Variants in KDM2B observed in about 807,000 individuals in gnomAD.
KDM2B encodes lysine demethylase 2B.
KDM2B carries 26 observed loss-of-function variants against 150.0 expected under a neutral mutation model. The ratio of observed to expected loss-of-function variants is 0.17; its 90% CI spans 0.13 to 0.24. KDM2B has a LOEUF of 0.24. Among genes scored for constraint, KDM2B ranks in the 10% least tolerant of loss-of-function variants. KDM2B has a pLI of 1.00. For missense variants in KDM2B, 1,265 were observed against 1,816.9 expected, an observed-to-expected ratio of 0.70 and a Z score of 5.52; for synonymous variants, 734 against 729.5, an observed-to-expected ratio of 1.01 and a Z score of -0.10.
intron 22 of KDM2B, among the ~76,000 whole-genome samples, chr12:121,431,557 G>C (rs782764383): frequency 8.5e-5 from 13 of 152,130 alleles, no homozygotes; most frequent in Non-Finnish European, 1.5e-4. Context: ...CCGCAATCAT[G>C]CATACAACAT....
chr12:121,539,664 T>G (rs1334888047), intron 6 of KDM2B, among the ~76,000 whole-genome samples: 2 of 145,568 alleles, frequency 1.4e-5, no homozygotes, highest in Non-Finnish European at 3.0e-5. Context: ...TGGCCAGCAG[T>G]TTTTTTTTTT....
At chr12:121,473,799 T>G (rs10849891) in intron 12 of KDM2B, among the ~76,000 whole-genome samples, 48,037 of 151,516 alleles carry the variant, frequency 0.32, 9,149 homozygotes, top group East Asian at 0.43. Context: ...CATAGCAGTT[T>G]TATTCACAAT....
the KDM2B span, among the ~76,000 whole-genome samples, chr12:121,421,371 T>TTAA: frequency 2.2e-5 from 1 of 46,378 alleles, no homozygotes; most frequent in Non-Finnish European, 4.4e-5. Context: ...ATCCCATCTC[T>TTAA]AAAAAAAAAA....
Position 121,550,309 on chromosome 12 carries a change from C to CAA in KDM2B, c.398-673_398-672dup, listed in dbSNP as rs782618970. 1.3e-3 allele frequency among the ~76,000 whole-genome samples: 139 copies of CAA among 107,090 alleles called. No homozygotes were observed. In the East Asian group the frequency reaches 0.016, roughly 12 times the overall value. The allele number at this position is 107,090 out of a possible 152,430, so 70.3% of individuals were successfully genotyped here. On this transcript the variant is annotated intron_variant, in intron 4 of 22. Transcript: ENST00000377071. The stretch of plus-strand genomic sequence containing the variant: ...TGGGCAACAGAGCAAGACTTTGTCT[C>CAA]AAAAAAAAAAAAAAGAAAGAAAGAA...
chr12:121,449,847 C>T lies in KDM2B; in HGVS notation c.1959+3273G>A, dbSNP rs782192573. 3.3e-5 allele frequency among the ~76,000 whole-genome samples: 5 copies of T among 152,104 alleles called. 1 individual carries two copies. The highest frequency in any genetic ancestry group is 1.3e-4 in the Admixed American group (2 of 15,260). ...AAATCCATGGAAATGTCCTGGGGTT[C>T]GGGTACCAATTAAAAGCACAAGCAG... On this transcript the variant is annotated intron_variant, in intron 13 of 22. Transcript: ENST00000377071.
chr12:121,512,055 C>T (rs557812109), intron 10 of KDM2B, among the ~76,000 whole-genome samples: 2 of 152,330 alleles, frequency 1.3e-5, no homozygotes, highest in African/African-American at 4.8e-5. Flanking sequence ...AAAGAACCAA[C>T]CCTCGGCCTT....
At chr12:121,471,506 G>A (rs911084750) in intron 12 of KDM2B, among the ~76,000 whole-genome samples, 28 of 152,136 alleles carry the variant, frequency 1.8e-4, no homozygotes, top group South Asian at 4.1e-4. Context: ...AGACTCAGCC[G>A]TGTCAGGCAA....
At chr12:121,469,229 A>C (rs1880469673) in intron 12 of KDM2B, 1 of 151,554 alleles carries the variant, frequency 6.6e-6, no homozygotes, top group Non-Finnish European at 1.5e-5. Flanking sequence ...AATCTTCTCA[A>C]AGTTGCAACA....
At chr12:121,545,109 C>G (rs1445970506) in intron 6 of KDM2B, among the ~76,000 whole-genome samples, 9 of 152,248 alleles carry the variant, frequency 5.9e-5, no homozygotes, top group African/African-American at 2.2e-4. Flanking sequence ...GAAACAATGT[C>G]ATCTTAATTA....
At chr12:121,517,432 G>T (rs1295828099) in intron 9 of KDM2B, among the ~76,000 whole-genome samples, 2 of 151,538 alleles carry the variant, frequency 1.3e-5, no homozygotes, top group East Asian at 1.9e-4. Context: ...TTAGATAGGG[G>T]TCCCCACCTT....
At chr12:121,438,159 C>T (rs547336956) in intron 22 of KDM2B, among the ~76,000 whole-genome samples, 2 of 150,322 alleles carry the variant, frequency 1.3e-5, no homozygotes, top group South Asian at 4.2e-4. Flanking sequence ...GAGACTGAGG[C>T]AGAAGAATCA....
the KDM2B span, chr12:121,416,176 G>C: frequency 6.2e-7 from 1 of 1,614,104 alleles, no homozygotes. Context: ...CCACGTCTAT[G>C]TGGGCTTCGT....
Position 121,442,355 on chromosome 12 carries a change from G to C in KDM2B, c.3086C>G (p.Ser1029Cys). 6.3e-7 allele frequency: 1 copy of C among 1,582,346 alleles called. No homozygotes were observed. Among genetic ancestry groups the C allele is most frequent in the Non-Finnish European group, 8.6e-7 (1 of 1,159,702 alleles). ...PPRVISRPPP[S>C]VSPPKCIQME... Reference sequence around the variant, plus strand: ...CTGGATACACTTGGGCGGGGACACGGAGGGTGGGGGCCGGGAGATGACACG... The same window carrying C: ...CTGGATACACTTGGGCGGGGACACGCAGGGTGGGGGCCGGGAGATGACACG... The change falls in exon 19 of 23, where the codon TCC becomes TGC. Residue 1029 changes from serine to cysteine, a missense_variant. This residue lies in a region of KDM2B where 418 missense variants were observed against 402.4 expected (regional missense o/e 1.04). Coordinates refer to ENST00000377071, the MANE Select transcript of KDM2B (RefSeq NM_032590.5). The surrounding 1 kb of genome is among the most constrained non-coding windows in gnomAD (Gnocchi z 7.7).
In KDM2B at chr12:121,509,720, G is replaced by A. The variant is rs782499372; in HGVS notation, c.1494C>T (p.Pro498=). ...VDYPKTPTGS[P]ATEVSAKWTH... ...TCCATTTGGCAGAGACCTCCGTGGCGGGAGAGCCGGTGGGGGTCTTGGGGT... is the reference window on the plus strand; with the variant it reads ...TCCATTTGGCAGAGACCTCCGTGGCAGGAGAGCCGGTGGGGGTCTTGGGGT... The change falls in exon 11 of 23, where the codon CCC becomes CCT. Residue 498 remains proline (P), a synonymous_variant. Transcript: ENST00000377071. 22 of 1,614,006 alleles carry A rather than the reference G, an allele frequency of 1.4e-5. No individual in the cohort carries two copies. Among genetic ancestry groups the A allele is most frequent in the Middle Eastern group, 1.6e-4 (1 of 6,084 alleles).
chr12:121,414,844 A>G, the KDM2B span, among the ~76,000 whole-genome samples: 2 of 152,234 alleles, frequency 1.3e-5, no homozygotes, highest in African/African-American at 4.8e-5. Context: ...CTGTAATCCC[A>G]GCACTTCGGG....
chr12:121,554,410 T>C (rs185815176), intron 4 of KDM2B, among the ~76,000 whole-genome samples: 2 of 151,506 alleles, frequency 1.3e-5, no homozygotes, highest in Admixed American at 1.3e-4. Context: ...TAACATACTT[T>C]TTTTTTTTTT....
chr12:121,476,584 AC>A (rs1364710026), intron 12 of KDM2B, among the ~76,000 whole-genome samples: 1 of 151,950 alleles, frequency 6.6e-6, no homozygotes, highest in African/African-American at 2.4e-5. Flanking sequence ...TAGGCCCTAA[AC>A]CCCGGGATGT....
chr12:121,509,290 A>G (rs1885373035), intron 11 of KDM2B, among the ~76,000 whole-genome samples: 1 of 151,064 alleles, frequency 6.6e-6, no homozygotes, highest in African/African-American at 2.4e-5. Flanking sequence ...TCTTGAACTC[A>G]TGACTTCAAG....
At chr12:121,551,767 G>A (rs1889520180) in intron 4 of KDM2B, among the ~76,000 whole-genome samples, 3 of 151,948 alleles carry the variant, frequency 2.0e-5, no homozygotes, top group Admixed American at 1.3e-4. Context: ...TGGCCAGGCT[G>A]GTCTTGAACT....
Sources: gnomAD v4.1 joint callset for allele counts (sites outside exome capture counted in the v4.1 genomes callset) on GRCh38, gnomAD v4.1.1 for gene constraint, gnomAD v4.1.1 regional missense constraint, Gnocchi (gnomAD v3.1) non-coding constraint, MANE v1.5 for transcripts, NCBI Gene and HGNC (gene_info 2026-07-23, HGNC 2026-07-21) for gene names.